The following ADAMTS12 variants were observed in gnomAD, a reference collection of about 807,000 sequenced individuals.
ADAMTS12 encodes the protein ADAM metallopeptidase with thrombospondin type 1 motif 12.
ADAMTS12 carries 118 observed loss-of-function variants against 167.8 expected under a neutral mutation model. The ratio of observed to expected loss-of-function variants is 0.70; its 90% CI spans 0.61 to 0.82. The LOEUF is 0.82. Ranked by LOEUF, ADAMTS12 falls within the 40% of genes least tolerant of loss-of-function variation. The probability of loss-of-function intolerance (pLI) is 0.00; values close to 1 mark genes in which losing one functional copy is unlikely to be tolerated. For missense variants in ADAMTS12, 1,916 were observed against 1,998.8 expected (o/e 0.96, Z 0.79); for synonymous variants, 704 against 716.9 (o/e 0.98, Z 0.29).
At chr5:33,868,853 T>C (rs191624722) in intron 2 of ADAMTS12, among the ~76,000 whole-genome samples, 312 of 152,328 alleles carry the variant, frequency 2.0e-3, no homozygotes, top group African/African-American at 7.1e-3. Context: ...ATTCTTCTTT[T>C]TCCAATGTGG....
intron 2 of ADAMTS12, among the ~76,000 whole-genome samples, chr5:33,774,766 CCTGT>C (rs1199646435): frequency 6.6e-6 from 1 of 152,180 alleles, no homozygotes; most frequent in Non-Finnish European, 1.5e-5. Flanking sequence ...ATCCCAGTAG[CCTGT>C]CTTTCATTAA....
chr5:33,811,344 C>T (rs1295327008), intron 2 of ADAMTS12, among the ~76,000 whole-genome samples: 1 of 152,110 alleles, frequency 6.6e-6, no homozygotes, highest in African/African-American at 2.4e-5. Flanking sequence ...AGAAGGTAGT[C>T]AGTGCAAAGG....
In ADAMTS12 at chr5:33,585,789, A is replaced by C. The variant is rs564532911; in HGVS notation, c.2865+2810T>G. On this transcript the variant is annotated intron_variant, in intron 18 of 23. Coordinates refer to ENST00000504830, the MANE Select transcript of ADAMTS12 (RefSeq NM_030955.4). ...TAAGCTTAGAGAAAAGGGGCTGGTC[A>C]CAGGGGGCAGGAAAGCCTGTCTGGG... Among the ~76,000 whole-genome samples, 11 of 152,316 alleles carry C rather than the reference A, an allele frequency of 7.2e-5. No individual in the cohort carries two copies. The East Asian group carries it at 1.5e-3, about 21-fold the overall frequency.
At position 33,888,107 on chromosome 5, in the gene ADAMTS12, C is replaced by T. The variant is rs914973983; in HGVS notation, c.127+3623G>A. 4.6e-5 allele frequency: 7 copies of T among 152,268 alleles called. No homozygotes were observed. The East Asian group carries it at 9.7e-4, about 21-fold the overall frequency. 9.4% of individuals were successfully genotyped at this position (152,268 alleles called of 1,614,324 possible). On this transcript the variant is annotated intron_variant, in intron 1 of 23. Transcript: ENST00000504830. ...GCATGTCATCCTTGAGCAGGGGCCA[C>T]GCTAATCTTCTCTGTATCGGTCCAA...
intron 19 of ADAMTS12, among the ~76,000 whole-genome samples, chr5:33,562,649 T>G (rs943875258): frequency 5.1e-4 from 77 of 150,364 alleles, no homozygotes; most frequent in African/African-American, 1.5e-3. Context: ...TTTTTTTTTT[T>G]GGGATGGAGT....
At chr5:33,756,964 C>A (rs1453003059) in intron 2 of ADAMTS12, among the ~76,000 whole-genome samples, 3 of 152,192 alleles carry the variant, frequency 2.0e-5, no homozygotes, top group Non-Finnish European at 4.4e-5. Flanking sequence ...GCCAATGCAA[C>A]AGAGAAGCTG....
At chr5:33,810,613 G>C (rs761528050) in intron 2 of ADAMTS12, among the ~76,000 whole-genome samples, 10 of 152,156 alleles carry the variant, frequency 6.6e-5, no homozygotes, top group Non-Finnish European at 1.3e-4. Flanking sequence ...TAGAAATCTA[G>C]ACTTGATTCT....
chr5:33,685,170 C>T (rs1313092303), intron 3 of ADAMTS12, among the ~76,000 whole-genome samples: 2 of 152,260 alleles, frequency 1.3e-5, no homozygotes, highest in Non-Finnish European at 2.9e-5. Context: ...AGGGGCAGAA[C>T]ATCGAAGCAG....
chr5:33,760,289 T>C (rs549184948), intron 2 of ADAMTS12, among the ~76,000 whole-genome samples: 3 of 152,174 alleles, frequency 2.0e-5, no homozygotes, highest in South Asian at 2.1e-4. Flanking sequence ...CAATTGTTGA[T>C]TGCAGTTTGT....
rs1743746300 is a variant in ADAMTS12, at chr5:33,524,952, G to T, written c.*2236C>A. ...TAACGTGGTCCATTTTGTACACGGA[G>T]AAATTTGGCCTAGTTTAGTTGGTTG... On this transcript the variant is annotated 3_prime_UTR_variant, in exon 24 of 24. Coordinates refer to ENST00000504830, the MANE Select transcript of ADAMTS12 (RefSeq NM_030955.4). 1 of 152,254 alleles carries T rather than the reference G, an allele frequency of 6.6e-6. No homozygotes were observed. Among genetic ancestry groups the T allele is most frequent in the Admixed American group, 6.5e-5 (1 of 15,280 alleles). 9.4% of individuals were successfully genotyped at this position (152,254 alleles called of 1,614,324 possible).
intron 11 of ADAMTS12, among the ~76,000 whole-genome samples, chr5:33,641,303 T>C (rs1043780751): frequency 1.3e-5 from 2 of 152,180 alleles, no homozygotes; most frequent in South Asian, 2.1e-4. Context: ...TTAGGGTTTA[T>C]AAAAATCCTT....
At chr5:33,559,314 T>C (rs566646251) in intron 20 of ADAMTS12, among the ~76,000 whole-genome samples, 125 of 152,168 alleles carry the variant, frequency 8.2e-4, no homozygotes, top group Non-Finnish European at 5.1e-4. Flanking sequence ...GGCAAACAGG[T>C]ATATGCACAG....
At chr5:33,548,448 T>C (rs1035815529) in intron 21 of ADAMTS12, among the ~76,000 whole-genome samples, 1 of 152,160 alleles carries the variant, frequency 6.6e-6, no homozygotes. Flanking sequence ...TTAAACCAAG[T>C]ATCATAGGGA....
intron 12 of ADAMTS12, among the ~76,000 whole-genome samples, chr5:33,636,803 G>C (rs746145789): frequency 6.6e-6 from 1 of 152,118 alleles, no homozygotes; most frequent in African/African-American, 2.4e-5. Flanking sequence ...ACACAAATAT[G>C]TTTTTTGATG....
Position 33,662,058 on chromosome 5 carries a change from A to G in ADAMTS12, c.916-18T>C. On this transcript the variant is annotated intron_variant, in intron 5 of 23. Transcript: ENST00000504830. The stretch of plus-strand genomic sequence containing the variant: ...AGTCCTTGCTGGAGAAAGAAGAGGA[A>G]GAGATTAGCATGGGAGAGCTCACTG... 1 of 1,604,702 alleles carries G rather than the reference A, an allele frequency of 6.2e-7. No homozygotes were observed. The highest frequency in any genetic ancestry group is 8.5e-7 in the Non-Finnish European group (1 of 1,178,998).
At position 33,819,184 on chromosome 5, in the gene ADAMTS12, T is replaced by C. The variant is rs557584918; in HGVS notation, c.489+61935A>G. 7.1e-3 allele frequency among the ~76,000 whole-genome samples: 1,084 copies of C among 152,254 alleles called. 12 individuals are homozygous for C. Among genetic ancestry groups the C allele is most frequent in the African/African-American group, 0.025 (1,046 of 41,570 alleles). On this transcript the variant is annotated intron_variant, in intron 2 of 23. Coordinates refer to ENST00000504830, the MANE Select transcript of ADAMTS12 (RefSeq NM_030955.4). Reference sequence around the variant, plus strand: ...GCCAAGGCCAATGTTCAAGGAGCATTTTCCTTATGTTATCTTCCATGAGTT... The same window carrying C: ...GCCAAGGCCAATGTTCAAGGAGCATCTTCCTTATGTTATCTTCCATGAGTT...
At chr5:33,747,165 G>C (rs1744819003) in intron 3 of ADAMTS12, among the ~76,000 whole-genome samples, 1 of 152,124 alleles carries the variant, frequency 6.6e-6, no homozygotes, top group African/African-American at 2.4e-5. Context: ...AGTCAGTCTA[G>C]GGACTAAGCG....
rs145848960 is a variant in ADAMTS12 at position 33,705,202 on chromosome 5, A to C, written c.635-21147T>G. ...ACTTCACTTAGAATAATGGTCTCCA[A>C]CTCCTTCTAGGTTGCTGCAAATGCC... On this transcript the variant is annotated intron_variant, in intron 3 of 23. Transcript: ENST00000504830. Among the ~76,000 whole-genome samples the C allele has an allele frequency of 2.1e-3, 310 of 146,106 alleles. 2 individuals are homozygous for C. Among genetic ancestry groups the C allele is most frequent in the African/African-American group, 7.4e-3 (291 of 39,390 alleles).
chr5:33,652,753 C>A (rs1333571500), intron 7 of ADAMTS12, among the ~76,000 whole-genome samples: 1 of 152,108 alleles, frequency 6.6e-6, no homozygotes, highest in East Asian at 1.9e-4. Context: ...TCAGGACTTA[C>A]ATTTAAGTCT....
Sources: gnomAD v4.1 joint callset for allele counts (sites outside exome capture counted in the v4.1 genomes callset) on GRCh38, gnomAD v4.1.1 for gene constraint, MANE v1.5 for transcripts, NCBI Gene and HGNC (gene_info 2026-07-23, HGNC 2026-07-21) for gene names.